The following DNAH14 variants were observed in gnomAD, a reference collection of about 807,000 sequenced individuals.
The protein encoded by DNAH14 is dynein axonemal heavy chain 14.
Under a neutral mutation model 520.9 loss-of-function variants are expected in DNAH14, and 478 were observed. The ratio of observed to expected loss-of-function variants is 0.92; its 90% CI spans 0.85 to 0.99. The LOEUF (loss-of-function observed/expected upper bound fraction) is 0.99, where lower values mean the gene tolerates loss of function less well. Among genes scored for constraint, DNAH14 ranks in the 50% least tolerant of loss-of-function variants. The pLI is 0.00. For missense variants in DNAH14, 4,831 were observed against 5,234.5 expected, an observed-to-expected ratio of 0.92 and a Z score of 2.38; for synonymous variants, 1,581 against 1,757.2, an observed-to-expected ratio of 0.90 and a Z score of 2.51.
In DNAH14 at chr1:225,129,556, A is replaced by G. The variant is rs535823536; in HGVS notation, c.4254+5942A>G. 3.3e-5 allele frequency among the ~76,000 whole-genome samples: 5 copies of G among 152,310 alleles called. No individual in the cohort carries two copies. In the East Asian group the frequency reaches 9.6e-4, roughly 29 times the overall value. On this transcript the variant is annotated intron_variant, in intron 27 of 85. Coordinates refer to ENST00000682510, the MANE Select transcript of DNAH14 (RefSeq NM_001367479.1). ...GATCTTTGAGAAACCTGATAAAAAC[A>G]AGCAATGTGGAAAGGATTCCCTATT...
chr1:225,105,775 T>C (rs1176348460), intron 23 of DNAH14, among the ~76,000 whole-genome samples: 1 of 152,126 alleles, frequency 6.6e-6, no homozygotes, highest in African/African-American at 2.4e-5. Flanking sequence ...TGAGCCTATG[T>C]GTGTCTCTGC....
In DNAH14 at chr1:224,964,521, G is replaced by A. The variant is rs747792836; in HGVS notation, c.410G>A (p.Arg137Gln). ...DDVIRNIIRL[R>Q]EKLGWQTILP... The stretch of plus-strand genomic sequence containing the variant: ...GTGATAAGAAATATTATTAGGCTAC[G>A]AGAAAAGCTTGGTTGGCAAACTATA... Residue 137 changes from arginine to glutamine, a missense_variant, in exon 5 of 86, where the codon CGA becomes CAA. Coordinates refer to ENST00000682510, the MANE Select transcript of DNAH14 (RefSeq NM_001367479.1). The A allele has an allele frequency of 3.4e-5, 55 of 1,610,002 alleles. No individual in the cohort carries two copies. Among genetic ancestry groups the A allele is most frequent in the East Asian group, 1.1e-4 (5 of 44,732 alleles).
chr1:224,938,490 ACAT>A (rs1284152242), intron 1 of DNAH14, among the ~76,000 whole-genome samples: 1 of 152,006 alleles, frequency 6.6e-6, no homozygotes, highest in Non-Finnish European at 1.5e-5. Flanking sequence ...CCATAGTGCA[ACAT>A]CATCTCACTT....
In DNAH14 at chr1:225,387,275, T is replaced by C. The variant is rs1157395227; in HGVS notation, c.13078-1104T>C. On this transcript the variant is annotated intron_variant, in intron 81 of 85. Transcript: ENST00000682510. ...GGGGGAGGGATAGCATTAGGAGATA[T>C]ACATAATGTAAATGACGAGTTAACG... 7.9e-5 allele frequency among the ~76,000 whole-genome samples: 12 copies of C among 152,106 alleles called. No homozygotes were observed. In the East Asian group the frequency reaches 1.5e-3, roughly 20 times the overall value.
At chr1:224,961,167 T>C (rs2060820827) in intron 4 of DNAH14, 2 of 152,104 alleles carry the variant, frequency 1.3e-5, no homozygotes, top group Admixed American at 1.3e-4. Flanking sequence ...TGAATTCTTC[T>C]TACAACCTGA....
intron 39 of DNAH14, among the ~76,000 whole-genome samples, chr1:225,205,208 C>T (rs1355266699): frequency 3.3e-5 from 5 of 152,158 alleles, no homozygotes; most frequent in African/African-American, 2.4e-5. Flanking sequence ...GAAATTCTAA[C>T]TCCCAAGGTG....
chr1:225,241,639 T>C (rs146781919), intron 43 of DNAH14, among the ~76,000 whole-genome samples: 5 of 152,338 alleles, frequency 3.3e-5, no homozygotes, highest in South Asian at 2.1e-4. Flanking sequence ...GCTCTAAGGC[T>C]ACAAATATGT....
chr1:225,358,175 A>G (rs2095452545), intron 73 of DNAH14, among the ~76,000 whole-genome samples: 1 of 152,142 alleles, frequency 6.6e-6, no homozygotes, highest in African/African-American at 2.4e-5. Flanking sequence ...CAGGAAGAAA[A>G]CCGAGGGGAA....
At chr1:225,028,993 A>G (rs1219601605) in intron 11 of DNAH14, among the ~76,000 whole-genome samples, 1 of 152,090 alleles carries the variant, frequency 6.6e-6, no homozygotes, top group Non-Finnish European at 1.5e-5. Flanking sequence ...GAGAAAAACC[A>G]TATGTAAATA....
chr1:224,944,402 GT>G (rs1335835918), intron 1 of DNAH14, among the ~76,000 whole-genome samples: 1 of 152,096 alleles, frequency 6.6e-6, no homozygotes, highest in Non-Finnish European at 1.5e-5. Context: ...CGTGAGATGG[GT>G]TTCCTGAATA....
intron 27 of DNAH14, among the ~76,000 whole-genome samples, chr1:225,126,807 C>T (rs562365942): frequency 6.6e-6 from 1 of 151,990 alleles, no homozygotes; most frequent in Admixed American, 6.6e-5. Flanking sequence ...GTTAGGGTGT[C>T]AATTTTGGAT....
intron 1 of DNAH14, among the ~76,000 whole-genome samples, chr1:224,934,682 C>T (rs952529855): frequency 7.3e-5 from 11 of 151,578 alleles, no homozygotes; most frequent in Non-Finnish European, 1.6e-4. Context: ...ACTAGAGGCT[C>T]AGTGATCCTC....
At position 225,149,941 on chromosome 1, in the gene DNAH14, A is replaced by C. The variant is rs528027088; in HGVS notation, c.4941-2064A>C. ...GGCCAGAACTTCCAAGACTATGTTG[A>C]ATAGGAGTGGTGAGAGAGGGCATAC... On this transcript the variant is annotated intron_variant, in intron 31 of 85. Coordinates refer to ENST00000682510, the MANE Select transcript of DNAH14 (RefSeq NM_001367479.1). 4.6e-5 allele frequency among the ~76,000 whole-genome samples: 7 copies of C among 152,234 alleles called. No individual in the cohort carries two copies. In the East Asian group the frequency reaches 9.7e-4, roughly 21 times the overall value.
At chr1:225,111,299 G>C (rs1443611966) in intron 23 of DNAH14, among the ~76,000 whole-genome samples, 1 of 152,018 alleles carries the variant, frequency 6.6e-6, no homozygotes, top group Non-Finnish European at 1.5e-5. Flanking sequence ...GCCCTTCAGG[G>C]TTGGGTGCAT....
chr1:225,003,383 A>C (rs923035971), intron 9 of DNAH14, among the ~76,000 whole-genome samples: 2 of 152,094 alleles, frequency 1.3e-5, no homozygotes, highest in African/African-American at 4.8e-5. Context: ...TTGAGTGGTT[A>C]AGTACCTAGA....
chr1:225,293,389 C>A (rs569975584), intron 55 of DNAH14, among the ~76,000 whole-genome samples: 1 of 152,134 alleles, frequency 6.6e-6, no homozygotes, highest in Non-Finnish European at 1.5e-5. Flanking sequence ...CACTGCAGCA[C>A]TATTCACAAT....
chr1:225,112,987 A>C (rs955338301), intron 23 of DNAH14, among the ~76,000 whole-genome samples: 3 of 151,870 alleles, frequency 2.0e-5, no homozygotes, highest in Non-Finnish European at 4.4e-5. Context: ...TGGTCCCTGG[A>C]GGCTTATTTA....
In DNAH14 at chr1:225,203,608, T is replaced by C. The variant is rs76198929; in HGVS notation, c.5887-575T>C. Among the ~76,000 whole-genome samples, 592 of 152,342 alleles carry C rather than the reference T, an allele frequency of 3.9e-3. 5 individuals are homozygous for C. The highest frequency in any genetic ancestry group is 0.013 in the African/African-American group (560 of 41,584). On this transcript the variant is annotated intron_variant, in intron 38 of 85. Coordinates refer to ENST00000682510, the MANE Select transcript of DNAH14 (RefSeq NM_001367479.1). ...ATCTCAAGATAATAAGGAGTTAATA[T>C]GTTAATATACATACATCAGAATTTC...
intron 41 of DNAH14, among the ~76,000 whole-genome samples, chr1:225,228,378 GACT>G (rs1282768903): frequency 2.0e-5 from 3 of 152,198 alleles, no homozygotes; most frequent in Admixed American, 2.0e-4. Flanking sequence ...ACTAAACTGT[GACT>G]GGGAGCATAA....
Sources: gnomAD v4.1 joint callset for allele counts (sites outside exome capture counted in the v4.1 genomes callset) on GRCh38, gnomAD v4.1.1 for gene constraint, MANE v1.5 for transcripts, NCBI Gene and HGNC (gene_info 2026-07-23, HGNC 2026-07-21) for gene names.